Variants in CNPY1 observed in about 807,000 individuals in gnomAD.
CNPY1 encodes the protein canopy FGF signaling regulator 1.
Under a neutral mutation model 14.4 loss-of-function variants are expected in CNPY1, and 14 were observed. That is an observed-to-expected ratio of 0.97 (90% CI 0.64 to 1.52). The LOEUF is 1.52. CNPY1 is among the 40% of genes most tolerant of loss of function. The pLI is 0.00. For synonymous variants in CNPY1, 43 were observed against 46.5 expected (o/e 0.92, Z 0.31); for missense variants, 129 against 131.5 (o/e 0.98, Z 0.09).
rs1368883639 is a variant in CNPY1, at chr7:155,546,471, T to C, written c.-57A>G. Reference sequence around the variant, plus strand: ...CTGGGATTACAAGTATCAGCCACCATGTGCAGCCTTCAAATGTGCTTTCCT... The same window carrying C: ...CTGGGATTACAAGTATCAGCCACCACGTGCAGCCTTCAAATGTGCTTTCCT... On this transcript the variant is annotated 5_prime_UTR_variant, in exon 1 of 5. The change abolishes an upstream ATG in the 5' untranslated region. Coordinates refer to ENST00000636446, the MANE Select transcript of CNPY1 (RefSeq NM_001393663.1). 1.0e-5 allele frequency: 4 copies of C among 398,216 alleles called. No individual in the cohort carries two copies. The highest frequency in any genetic ancestry group is 4.4e-5 in the Admixed American group (1 of 22,674). 24.7% of individuals were successfully genotyped at this position (398,216 alleles called of 1,614,324 possible).
chr7:155,513,967 A>G (rs896247457), intron 2 of CNPY1, among the ~76,000 whole-genome samples: 2 of 152,244 alleles, frequency 1.3e-5, no homozygotes, highest in African/African-American at 4.8e-5. Flanking sequence ...GAAAAATACC[A>G]TAAGCTTAAC....
intron 2 of CNPY1, among the ~76,000 whole-genome samples, chr7:155,541,403 C>G (rs911414565): frequency 3.3e-5 from 5 of 152,226 alleles, no homozygotes; most frequent in Non-Finnish European, 5.9e-5. Flanking sequence ...TATTACTAAA[C>G]AGCTGCCCCT....
chr7:155,504,687 C>A (rs934451367), intron 4 of CNPY1, among the ~76,000 whole-genome samples: 5 of 116,178 alleles, frequency 4.3e-5, no homozygotes, highest in South Asian at 3.1e-4. Context: ...TTCATACCCC[C>A]CAACACACAC....
chr7:155,507,608 A>G (rs1352100705), intron 3 of CNPY1, among the ~76,000 whole-genome samples: 1 of 152,054 alleles, frequency 6.6e-6, no homozygotes, highest in East Asian at 1.9e-4. Flanking sequence ...TCAGCAATCA[A>G]AACAAACGCA....
chr7:155,507,081 T>C lies in CNPY1; in HGVS notation c.339A>G (p.Ile113Met). Reference protein sequence around the residue: ...ETIIEEYEDEISSLIAQETHY... With the variant: ...ETIIEEYEDEMSSLIAQETHY... ...GTGTCTCCTGGGCGATAAGTGAGGA[T>C]ATTTCATCTTCATACTCTTCTATTA... Residue 113 changes from isoleucine (I) to methionine (M), a missense_variant, in exon 4 of 5, where the codon ATA becomes ATG. By Grantham distance (10) the Ile-to-Met change is conservative (BLOSUM62 1). Coordinates refer to ENST00000636446, the MANE Select transcript of CNPY1 (RefSeq NM_001393663.1). The C allele has an allele frequency of 6.2e-7, 1 of 1,611,690 alleles. No homozygotes were observed.
chr7:155,515,445 C>G (rs11761204), intron 2 of CNPY1, among the ~76,000 whole-genome samples: 1 of 152,160 alleles, frequency 6.6e-6, no homozygotes, highest in Non-Finnish European at 1.5e-5. Context: ...GGGCTCCCCC[C>G]ATGGGAGACG....
At chr7:155,516,668 C>A (rs1302369964) in intron 2 of CNPY1, among the ~76,000 whole-genome samples, 1 of 152,234 alleles carries the variant, frequency 6.6e-6, no homozygotes, top group African/African-American at 2.4e-5. Context: ...GCAAGGGTTA[C>A]CTCAGCTGAC....
intron 2 of CNPY1, among the ~76,000 whole-genome samples, chr7:155,523,954 C>T (rs773355383): frequency 2.0e-5 from 3 of 152,028 alleles, no homozygotes; most frequent in Non-Finnish European, 4.4e-5. Context: ...GATCTCTAAT[C>T]CCAGGAACAC....
intron 3 of CNPY1, among the ~76,000 whole-genome samples, chr7:155,507,471 T>TAAAAAAA (rs35711313): frequency 0.027 from 1,442 of 53,640 alleles, 46 homozygotes; most frequent in Middle Eastern, 0.038. Context: ...GTTTTTAAAC[T>TAAAAAAA]AAAAAAAAAA....
At chr7:155,523,672 G>A (rs1055029128) in intron 2 of CNPY1, among the ~76,000 whole-genome samples, 1 of 152,202 alleles carries the variant, frequency 6.6e-6, no homozygotes. Context: ...CTTGGATAGT[G>A]GAGAGTGCCC....
At chr7:155,529,767 GTTTCT>G (rs1240536062) in intron 2 of CNPY1, among the ~76,000 whole-genome samples, 1 of 142,060 alleles carries the variant, frequency 7.0e-6, no homozygotes, top group Non-Finnish European at 1.5e-5. Flanking sequence ...CACCCTTCAA[GTTTCT>G]TTTCTTTTTT....
chr7:155,520,086 A>G (rs1796690061), intron 2 of CNPY1, among the ~76,000 whole-genome samples: 1 of 152,242 alleles, frequency 6.6e-6, no homozygotes, highest in Non-Finnish European at 1.5e-5. Flanking sequence ...CCGTAGGTAT[A>G]CATTCCCGTA....
At position 155,508,879 on chromosome 7, in the gene CNPY1, AG is replaced by A; in HGVS notation, c.303+14del. ...TTCTGGATCATACGATTCATCTGCA[AG>A]GAAGAGAGCTTACCGCAAATTTCAA... On this transcript the variant is annotated intron_variant, in intron 3 of 4. Coordinates refer to ENST00000636446, the MANE Select transcript of CNPY1 (RefSeq NM_001393663.1). The A allele has an allele frequency of 6.2e-7, 1 of 1,612,180 alleles. No individual in the cohort carries two copies. Among genetic ancestry groups the A allele is most frequent in the African/African-American group, 1.3e-5 (1 of 74,850 alleles).
At chr7:155,516,577 G>A (rs1374194948) in intron 2 of CNPY1, among the ~76,000 whole-genome samples, 6 of 152,166 alleles carry the variant, frequency 3.9e-5, no homozygotes, top group African/African-American at 1.4e-4. Context: ...AGGCTAAGCT[G>A]GATGGAAACC....
intron 2 of CNPY1, among the ~76,000 whole-genome samples, chr7:155,509,495 GAGAC>G (rs1239633762): frequency 2.0e-5 from 3 of 152,052 alleles, no homozygotes; most frequent in African/African-American, 4.8e-5. Context: ...GAGGGGGAGA[GAGAC>G]AGAGAGAGGG....
intron 2 of CNPY1, among the ~76,000 whole-genome samples, chr7:155,527,054 C>CTTTCTTTCTTTTTT (rs56296833): frequency 8.9e-5 from 8 of 90,356 alleles, no homozygotes; most frequent in Non-Finnish European, 1.2e-4. Context: ...TTCTTTCTTT[C>CTTTCTTTCTTTTTT]TTTTTTTTTT....
chr7:155,516,256 G>C (rs1283713267), intron 2 of CNPY1, among the ~76,000 whole-genome samples: 1 of 152,226 alleles, frequency 6.6e-6, no homozygotes, highest in Non-Finnish European at 1.5e-5. Context: ...GTATTCCCAA[G>C]AGTTCTGAAT....
intron 2 of CNPY1, among the ~76,000 whole-genome samples, chr7:155,530,467 C>G (rs1169419952): frequency 6.6e-6 from 1 of 152,092 alleles, no homozygotes; most frequent in East Asian, 1.9e-4. Context: ...GCTAGGACTA[C>G]AGATGTGTAC....
chr7:155,512,001 T>C (rs73496022), intron 2 of CNPY1, among the ~76,000 whole-genome samples: 119 of 152,258 alleles, frequency 7.8e-4, no homozygotes, highest in African/African-American at 2.6e-3. Context: ...GGCTTTTTTT[T>C]CCCCCTCAAA....
Sources: allele counts gnomAD v4.1 joint callset (sites outside exome capture counted in the v4.1 genomes callset), GRCh38; gene constraint gnomAD v4.1.1; transcripts MANE v1.5; gene names NCBI Gene and HGNC (gene_info 2026-07-23, HGNC 2026-07-21).